RPS6KC1: variants seen among roughly 807,000 people sequenced by gnomAD.
The protein encoded by RPS6KC1 is ribosomal protein S6 kinase C1, also known as inactive ribosomal protein S6 kinase delta-1.
RPS6KC1 carries 54 observed loss-of-function variants against 103.8 expected under a neutral mutation model. The ratio of observed to expected loss-of-function variants is 0.52; its 90% CI spans 0.42 to 0.65. The LOEUF is 0.65. Among genes scored for constraint, RPS6KC1 ranks in the 30% least tolerant of loss-of-function variants. The pLI is 0.00. For missense variants in RPS6KC1, 1,151 were observed against 1,253.8 expected (o/e 0.92, Z 1.24); for synonymous variants, 439 against 438.7 (o/e 1.00, Z -0.01).
chr1:213,239,632 A>G (rs1389059895), intron 10 of RPS6KC1, among the ~76,000 whole-genome samples: 1 of 152,146 alleles, frequency 6.6e-6, no homozygotes, highest in African/African-American at 2.4e-5. Context: ...CTTAATGATT[A>G]CAATAAATAT....
the RPS6KC1 span, among the ~76,000 whole-genome samples, chr1:213,600,020 C>G: frequency 6.6e-6 from 1 of 152,114 alleles, no homozygotes; most frequent in Non-Finnish European, 1.5e-5. Flanking sequence ...GTTGGTTTCC[C>G]TCTTGCTATT....
chr1:213,800,215 A>G, the RPS6KC1 span, among the ~76,000 whole-genome samples: 2 of 152,198 alleles, frequency 1.3e-5, no homozygotes, highest in African/African-American at 4.8e-5. Context: ...ACCAAAAACC[A>G]GAAGGAGGTG....
At chr1:213,098,425 A>G (rs2081682207) in intron 3 of RPS6KC1, among the ~76,000 whole-genome samples, 1 of 151,810 alleles carries the variant, frequency 6.6e-6, no homozygotes, top group African/African-American at 2.4e-5. Context: ...TATAGGTGTA[A>G]GCCACTGCAC....
At chr1:213,438,308 G>T in the RPS6KC1 span, among the ~76,000 whole-genome samples, 6 of 152,020 alleles carry the variant, frequency 3.9e-5, no homozygotes, top group African/African-American at 4.8e-5. Flanking sequence ...TCAGTCATTT[G>T]GTCTTATCTC....
At chr1:213,079,193 A>G (rs1001944694) in intron 3 of RPS6KC1, among the ~76,000 whole-genome samples, 6 of 152,110 alleles carry the variant, frequency 3.9e-5, no homozygotes, top group African/African-American at 7.2e-5. Flanking sequence ...TTATTAACCA[A>G]TCTTTTACTG....
At chr1:213,277,374 C>T (rs1379281497), downstream of RPS6KC1, among the ~76,000 whole-genome samples, 3 of 152,174 alleles carry the variant, frequency 2.0e-5, no homozygotes, top group Non-Finnish European at 4.4e-5. Context: ...CCACCTTGAT[C>T]TAGCTGTCTC....
intron 3 of RPS6KC1, among the ~76,000 whole-genome samples, chr1:213,080,996 G>A (rs1408323896): frequency 2.0e-5 from 3 of 152,240 alleles, no homozygotes; most frequent in African/African-American, 7.2e-5. Flanking sequence ...TGTAAGTGAA[G>A]TCTCTGTTTT....
In RPS6KC1 at chr1:213,176,539, A is replaced by G. The variant is rs757379573; in HGVS notation, c.1044+47A>G. 5 of 1,248,702 alleles carry G rather than the reference A, an allele frequency of 4.0e-6. No individual in the cohort carries two copies. In the South Asian group the frequency reaches 6.7e-5, roughly 17 times the overall value. 77.4% of individuals were successfully genotyped at this position (1,248,702 alleles called of 1,614,324 possible). A position where few individuals can be genotyped will look rare whatever the true frequency, so the allele number is the denominator to read the frequency against. ...AAGAGTTCAGTCATAAATCGACTGC[A>G]TGCTGACATTCTGTCTTTGAAGCTT... On this transcript the variant is annotated intron_variant, in intron 8 of 14. Coordinates refer to ENST00000366960, the MANE Select transcript of RPS6KC1 (RefSeq NM_012424.6).
At chr1:213,825,266 C>A in the RPS6KC1 span, among the ~76,000 whole-genome samples, 33 of 152,304 alleles carry the variant, frequency 2.2e-4, no homozygotes, top group African/African-American at 7.5e-4. Context: ...GACTCACTTT[C>A]CACAGCACTA....
At chr1:213,729,565 T>A in the RPS6KC1 span, among the ~76,000 whole-genome samples, 2 of 152,112 alleles carry the variant, frequency 1.3e-5, no homozygotes, top group Non-Finnish European at 2.9e-5. Context: ...AGGGAAAGAC[T>A]TCCTGGAAAC....
chr1:213,203,622 G>A (rs565201414), intron 8 of RPS6KC1, among the ~76,000 whole-genome samples: 18 of 151,920 alleles, frequency 1.2e-4, no homozygotes, highest in African/African-American at 4.1e-4. Context: ...ATATACAGGG[G>A]TATTTTCCTT....
the RPS6KC1 span, among the ~76,000 whole-genome samples, chr1:213,488,656 A>G: frequency 6.6e-6 from 1 of 152,326 alleles, no homozygotes; most frequent in South Asian, 2.1e-4. Context: ...GCACCTGGAC[A>G]TTGTGGTTGG....
the RPS6KC1 span, among the ~76,000 whole-genome samples, chr1:213,316,467 T>G: frequency 1.3e-5 from 2 of 152,224 alleles, no homozygotes; most frequent in Non-Finnish European, 2.9e-5. Context: ...GGACGATATT[T>G]AAAAGGTGTT....
At chr1:213,327,236 AAAAG>A in the RPS6KC1 span, among the ~76,000 whole-genome samples, 745 of 144,686 alleles carry the variant, frequency 5.1e-3, 10 homozygotes, top group African/African-American at 0.018. Context: ...GAAAGAAAAG[AAAAG>A]AAAGAAAGAA....
intron 10 of RPS6KC1, among the ~76,000 whole-genome samples, chr1:213,240,234 T>G (rs756197237): frequency 6.6e-6 from 1 of 152,152 alleles, no homozygotes; most frequent in African/African-American, 2.4e-5. Flanking sequence ...ATTTTCAAAA[T>G]GGAATAATAT....
chr1:213,422,601 G>T, the RPS6KC1 span, among the ~76,000 whole-genome samples: 2 of 152,176 alleles, frequency 1.3e-5, no homozygotes, highest in South Asian at 2.1e-4. Context: ...TTAAGTGTTT[G>T]TTGAATGAAT....
chr1:213,258,535 C>T (rs2094705293), intron 12 of RPS6KC1, among the ~76,000 whole-genome samples: 1 of 152,138 alleles, frequency 6.6e-6, no homozygotes, highest in Non-Finnish European at 1.5e-5. Flanking sequence ...GTGCCTAGTA[C>T]AGTGCCTAAT....
the RPS6KC1 span, among the ~76,000 whole-genome samples, chr1:213,363,572 A>C: frequency 2.0e-5 from 3 of 151,592 alleles, 1 homozygote; most frequent in Non-Finnish European, 4.4e-5. Flanking sequence ...AACAAAGGGC[A>C]AAATTTCTCT....
At chr1:213,404,547 T>G in the RPS6KC1 span, among the ~76,000 whole-genome samples, 1 of 152,162 alleles carries the variant, frequency 6.6e-6, no homozygotes, top group Non-Finnish European at 1.5e-5. Context: ...TGAGGACCAA[T>G]GGGACATTCA....
Sources: allele counts gnomAD v4.1 joint callset (sites outside exome capture counted in the v4.1 genomes callset), GRCh38; gene constraint gnomAD v4.1.1; transcripts MANE v1.5; gene names NCBI Gene and HGNC (gene_info 2026-07-23, HGNC 2026-07-21).